ATRNL1: variants seen among roughly 807,000 people sequenced by gnomAD.
ATRNL1 encodes the protein attractin-like protein 1.
A neutral mutation model predicts 182.7 loss-of-function variants in ATRNL1; 95 were observed. That is an observed-to-expected ratio of 0.52 (90% CI 0.44 to 0.62). The LOEUF (loss-of-function observed/expected upper bound fraction) is 0.62, where lower values mean the gene tolerates loss of function less well. ATRNL1 is among the 20% of genes least tolerant of loss of function. The pLI is 0.00. For missense variants in ATRNL1, 1,471 were observed against 1,679.5 expected, an observed-to-expected ratio of 0.88 and a Z score of 2.17; for synonymous variants, 576 against 568.3, an observed-to-expected ratio of 1.01 and a Z score of -0.19.
intron 13 of ATRNL1, among the ~76,000 whole-genome samples, chr10:115,274,688 GA>G (rs1852027117): frequency 6.6e-6 from 1 of 152,182 alleles, no homozygotes; most frequent in Non-Finnish European, 1.5e-5. Context: ...TAGGAGTGGA[GA>G]GTTGGTATAC....
intron 19 of ATRNL1, among the ~76,000 whole-genome samples, chr10:115,364,217 C>T: frequency 7.3e-6 from 1 of 136,514 alleles, no homozygotes; most frequent in African/African-American, 2.7e-5. Context: ...TGTAGTTCTC[C>T]TTGAAGAGGT....
chr10:115,125,310 T>C (rs1299766639), intron 3 of ATRNL1, among the ~76,000 whole-genome samples: 1 of 152,198 alleles, frequency 6.6e-6, no homozygotes, highest in East Asian at 1.9e-4. Context: ...AGAGATTTTC[T>C]GTGAGTGGCC....
chr10:115,153,285 A>G (rs554154622), intron 5 of ATRNL1, among the ~76,000 whole-genome samples: 25 of 152,318 alleles, frequency 1.6e-4, no homozygotes, highest in African/African-American at 4.3e-4. Context: ...TAGTTTCAGA[A>G]GGAATGGTAC....
At chr10:115,214,438 C>T (rs985868471) in intron 8 of ATRNL1, among the ~76,000 whole-genome samples, 5 of 151,938 alleles carry the variant, frequency 3.3e-5, no homozygotes, top group Admixed American at 1.3e-4. Flanking sequence ...ATATGAGTTC[C>T]GCAAAGTTTC....
intron 28 of ATRNL1, among the ~76,000 whole-genome samples, chr10:115,867,929 A>T (rs1951477320): frequency 6.6e-6 from 1 of 151,690 alleles, no homozygotes; most frequent in African/African-American, 2.4e-5. Flanking sequence ...ATTTAATTTA[A>T]TTTTTTTGTA....
intron 25 of ATRNL1, among the ~76,000 whole-genome samples, chr10:115,521,144 G>GTTGTTGTTGTTGTTT (rs1554985073): frequency 6.7e-6 from 1 of 150,306 alleles, no homozygotes; most frequent in Non-Finnish European, 1.5e-5. Flanking sequence ...AACTTTTGTT[G>GTTGTTGTTGTTGTTT]TTGTTGTTGT....
At chr10:115,883,604 G>T (rs770921395) in intron 28 of ATRNL1, among the ~76,000 whole-genome samples, 1 of 152,246 alleles carries the variant, frequency 6.6e-6, no homozygotes, top group Non-Finnish European at 1.5e-5. Flanking sequence ...TGTGCATAAG[G>T]TTGAGCTAAA....
intron 27 of ATRNL1, among the ~76,000 whole-genome samples, chr10:115,731,078 T>A (rs1219491376): frequency 3.9e-5 from 6 of 152,198 alleles, no homozygotes; most frequent in Non-Finnish European, 5.9e-5. Context: ...TGGGCCTGCC[T>A]TTCCCAGCCC....
At chr10:115,173,903 G>GTTT (rs58406261) in intron 8 of ATRNL1, among the ~76,000 whole-genome samples, 10 of 140,606 alleles carry the variant, frequency 7.1e-5, no homozygotes, top group African/African-American at 2.6e-4. Flanking sequence ...TGTGATTCCT[G>GTTT]TTTTTTTTTT....
chr10:115,780,805 T>G (rs782780400), intron 27 of ATRNL1, among the ~76,000 whole-genome samples: 5 of 152,064 alleles, frequency 3.3e-5, no homozygotes, highest in Non-Finnish European at 5.9e-5. Context: ...AAACCAGCAG[T>G]GATGCTGTGG....
intron 14 of ATRNL1, among the ~76,000 whole-genome samples, chr10:115,284,015 C>T (rs1852493351): frequency 1.3e-5 from 2 of 152,162 alleles, no homozygotes; most frequent in South Asian, 4.1e-4. Context: ...AGTGAATGCT[C>T]TAAATAGAGG....
At chr10:115,655,534 T>A (rs1427243550) in intron 26 of ATRNL1, among the ~76,000 whole-genome samples, 4 of 152,146 alleles carry the variant, frequency 2.6e-5, no homozygotes, top group African/African-American at 4.8e-5. Context: ...GATAACTACT[T>A]CTTTTGAATT....
chr10:115,116,523 C>T (rs1844492092), intron 1 of ATRNL1, among the ~76,000 whole-genome samples: 1 of 152,016 alleles, frequency 6.6e-6, no homozygotes, highest in Non-Finnish European at 1.5e-5. Flanking sequence ...TTTAGAAGAA[C>T]AGTTCTAGAC....
intron 25 of ATRNL1, among the ~76,000 whole-genome samples, chr10:115,544,980 A>C (rs1852566141): frequency 6.6e-6 from 1 of 152,176 alleles, no homozygotes; most frequent in Non-Finnish European, 1.5e-5. Flanking sequence ...ATATTTTTTA[A>C]GAGAACTGTC....
chr10:115,168,028 T>C (rs1847123118), intron 7 of ATRNL1, among the ~76,000 whole-genome samples: 1 of 152,130 alleles, frequency 6.6e-6, no homozygotes, highest in African/African-American at 2.4e-5. Context: ...ACAAAGCTAC[T>C]TTCTTTCTCT....
intron 24 of ATRNL1, among the ~76,000 whole-genome samples, chr10:115,509,265 G>A (rs1383639536): frequency 6.6e-6 from 1 of 152,032 alleles, no homozygotes; most frequent in Non-Finnish European, 1.5e-5. Context: ...CAAGAGCTTT[G>A]AAGGTGATGT....
At chr10:115,357,212 G>GA (rs1368374342) in intron 19 of ATRNL1, among the ~76,000 whole-genome samples, 2 of 151,712 alleles carry the variant, frequency 1.3e-5, no homozygotes, top group Non-Finnish European at 3.0e-5. Flanking sequence ...CTAGGGTGAA[G>GA]AAAAGATAAA....
intron 18 of ATRNL1, among the ~76,000 whole-genome samples, chr10:115,329,721 G>A (rs10885690): frequency 0.99 from 150,913 of 152,270 alleles, 74,798 homozygotes; most frequent in Middle Eastern, 1. Context: ...TTCCATTTGC[G>A]TGCAATATGT....
intron 27 of ATRNL1, among the ~76,000 whole-genome samples, chr10:115,743,712 T>A (rs111705964): frequency 9.6e-4 from 146 of 152,244 alleles, no homozygotes; most frequent in Non-Finnish European, 1.9e-3. Flanking sequence ...ATTAGATAGA[T>A]CTGTGTTTTA....
Sources: allele counts gnomAD v4.1 joint callset (sites outside exome capture counted in the v4.1 genomes callset), GRCh38; gene constraint gnomAD v4.1.1; transcripts MANE v1.5; gene names NCBI Gene and HGNC (gene_info 2026-07-23, HGNC 2026-07-21).